PDE9A: variants seen among roughly 807,000 people sequenced by gnomAD.
PDE9A encodes the protein phosphodiesterase 9A.
A neutral mutation model predicts 87.4 loss-of-function variants in PDE9A; 60 were observed. That is an observed-to-expected ratio of 0.69 (90% CI 0.56 to 0.85). The LOEUF (loss-of-function observed/expected upper bound fraction) is 0.85. Ranked by LOEUF, PDE9A falls within the 40% of genes least tolerant of loss-of-function variation. The pLI, the probability that PDE9A is intolerant of heterozygous loss-of-function variation, is 0.00. For synonymous variants in PDE9A, 272 were observed against 279.4 expected, an observed-to-expected ratio of 0.97 and a Z score of 0.27; for missense variants, 665 against 779.0, an observed-to-expected ratio of 0.85 and a Z score of 1.74.
chr21:42,672,706 A>G (rs926491224), intron 1 of PDE9A, among the ~76,000 whole-genome samples: 3 of 152,192 alleles, frequency 2.0e-5, no homozygotes, highest in African/African-American at 7.2e-5. Context: ...TAACCCGTCG[A>G]GTTTGGTTTC....
chr21:42,753,889 AAAAG>A (rs2054711380), intron 9 of PDE9A, 97 bp from the exon 10 acceptor site: 7 of 639,076 alleles, frequency 1.1e-5, no homozygotes, highest in Non-Finnish European at 1.9e-5. Context: ...GAAAGAAAGA[AAAAG>A]AAAGAGAACG....
At position 42,722,694 on chromosome 21, in the gene PDE9A, G is replaced by A. The variant is rs1447985797; in HGVS notation, c.263-9076G>A. ...ATTCCCATCAGCTCAGGTGCGTGGA[G>A]GACGGAAGAACTGCTGTTGCTGCTA... On this transcript the variant is annotated intron_variant, in intron 4 of 19. Coordinates refer to ENST00000291539, the MANE Select transcript of PDE9A (RefSeq NM_002606.3). This position sits in a 1 kb window ranked among gnomAD's most constrained non-coding sequence, Gnocchi z 4.1. Among the ~76,000 whole-genome samples the A allele has an allele frequency of 6.6e-6, 1 of 152,198 alleles. No individual in the cohort carries two copies. The highest frequency in any genetic ancestry group is 1.5e-5 in the Non-Finnish European group (1 of 68,038).
At chr21:42,686,337 G>A (rs2059470669) in intron 2 of PDE9A, 75 bp downstream of exon 2, 3 of 1,215,296 alleles carry the variant, frequency 2.5e-6, no homozygotes, top group East Asian at 4.7e-5. Context: ...TGGGAGGGGC[G>A]GGAAGAGGCG....
chr21:42,769,030 G>T lies in PDE9A; in HGVS notation c.1465G>T (p.Asp489Tyr). ...CTGTCTGCTGCATTCCCTGCAGAGC[G>T]ACCGTGAGAAGTCAGAAGGCCTTCC... is the stretch of plus-strand genomic sequence containing the variant. ...CLLEEYFMQS[D>Y]REKSEGLPVA... is the part of the protein sequence containing the mutation. The change falls in exon 17 of 20, where the codon GAC becomes TAC. Residue 489 changes from aspartate (D) to tyrosine (Y), a missense_variant. Coordinates refer to ENST00000291539, the MANE Select transcript of PDE9A (RefSeq NM_002606.3). 2 of 1,610,770 alleles carry T rather than the reference G, an allele frequency of 1.2e-6. No homozygotes were observed. Among genetic ancestry groups the T allele is most frequent in the South Asian group, 2.2e-5 (2 of 90,804 alleles).
chr21:42,662,403 A>C (rs2057571950), intron 1 of PDE9A, among the ~76,000 whole-genome samples: 1 of 151,974 alleles, frequency 6.6e-6, no homozygotes, highest in African/African-American at 2.4e-5. Context: ...GATGCCCTCC[A>C]TGCCCCTTCC....
intron 1 of PDE9A, among the ~76,000 whole-genome samples, 194 bp downstream of exon 1, chr21:42,654,077 G>T (rs1233295114): frequency 6.9e-6 from 1 of 144,972 alleles, no homozygotes; most frequent in Non-Finnish European, 1.5e-5. Context: ...CCTGGGGGGT[G>T]GGGGGTGGGG....
intron 19 of PDE9A, among the ~76,000 whole-genome samples, chr21:42,773,767 C>T (rs1020811688): frequency 6.6e-6 from 1 of 151,338 alleles, no homozygotes; most frequent in Non-Finnish European, 1.5e-5. Context: ...CGCCACTGCA[C>T]TCCAGCCTGG....
intron 16 of PDE9A, 115 bp downstream of exon 16, chr21:42,768,407 C>G: frequency 9.8e-7 from 1 of 1,021,006 alleles, no homozygotes; most frequent in Non-Finnish European, 1.4e-6. Context: ...GGGCTGCCGA[C>G]AGTTCAGCCT....
intron 7 of PDE9A, among the ~76,000 whole-genome samples, chr21:42,742,128 G>A (rs956823351): frequency 6.6e-6 from 1 of 152,178 alleles, no homozygotes; most frequent in African/African-American, 2.4e-5. Flanking sequence ...GGAGGCATAA[G>A]CTCCAGTTTG....
rs530874286 is a variant in PDE9A at position 42,703,814 on chromosome 21, G to A, written c.262+4803G>A. 1.2e-4 allele frequency among the ~76,000 whole-genome samples: 19 copies of A among 152,322 alleles called. No homozygotes were observed. The South Asian group carries it at 1.9e-3, about 15-fold the overall frequency. ...GATCCTAGGAGCCACAAAGAGGCTT[G>A]AAAAATAATCCATCCTGAGAAACAC... On this transcript the variant is annotated intron_variant, in intron 4 of 19. Coordinates refer to ENST00000291539, the MANE Select transcript of PDE9A (RefSeq NM_002606.3).
In PDE9A at chr21:42,759,909, T is replaced by A. The variant is rs1353906936; in HGVS notation, c.898-419T>A. On this transcript the variant is annotated intron_variant, in intron 11 of 19. Coordinates refer to ENST00000291539, the MANE Select transcript of PDE9A (RefSeq NM_002606.3). The surrounding 1 kb of genome is among the most constrained non-coding windows in gnomAD (Gnocchi z 7.2). ...TGTGAATATGTTTGGCAGCAGGTTTTTTTAATGAAATATTGCTCAGAACCA... is the reference window on the plus strand; with the variant it reads ...TGTGAATATGTTTGGCAGCAGGTTTATTTAATGAAATATTGCTCAGAACCA... 3.6e-4 allele frequency among the ~76,000 whole-genome samples: 55 copies of A among 152,018 alleles called. No homozygotes were observed. Among genetic ancestry groups the A allele is most frequent in the Admixed American group, 3.6e-3 (55 of 15,254 alleles).
rs565114435 is a variant in PDE9A, at chr21:42,695,246, A to G, written c.219-3722A>G. Among the ~76,000 whole-genome samples the G allele has an allele frequency of 3.3e-5, 5 of 152,372 alleles. No individual in the cohort carries two copies. The highest frequency in any genetic ancestry group is 2.0e-4 in the Admixed American group (3 of 15,312). ...AAATATAAAAAGTCATAGCCCAACCATGATCAAATAAGGCTCCAGCATTCC... is the reference window on the plus strand; with the variant it reads ...AAATATAAAAAGTCATAGCCCAACCGTGATCAAATAAGGCTCCAGCATTCC... On this transcript the variant is annotated intron_variant, in intron 3 of 19. Coordinates refer to ENST00000291539, the MANE Select transcript of PDE9A (RefSeq NM_002606.3). This position sits in a 1 kb window ranked among gnomAD's most constrained non-coding sequence, Gnocchi z 4.3.
chr21:42,726,618 A>ATTTTTTTTTTTTTTTTT (rs1486108848), intron 4 of PDE9A, among the ~76,000 whole-genome samples: 2 of 23,048 alleles, frequency 8.7e-5, no homozygotes, highest in African/African-American at 6.6e-4. Context: ...ATATATATAT[A>ATTTTTTTTTTTTTTTTT]TATATATTTT....
At chr21:42,679,773 C>A (rs1255210363) in intron 1 of PDE9A, among the ~76,000 whole-genome samples, 3 of 152,232 alleles carry the variant, frequency 2.0e-5, no homozygotes, top group African/African-American at 7.2e-5. Flanking sequence ...ACCCCCCACC[C>A]ATGAGAGACC....
chr21:42,657,045 C>T (rs570683124), intron 1 of PDE9A, among the ~76,000 whole-genome samples: 148 of 152,340 alleles, frequency 9.7e-4, no homozygotes, highest in African/African-American at 3.5e-3. Context: ...CAGCAGCAGA[C>T]GTTGCAGGCT....
At chr21:42,762,354 G>T (rs779800554) in intron 14 of PDE9A, 115 bp downstream of exon 14, 41 of 1,087,472 alleles carry the variant, frequency 3.8e-5, no homozygotes, top group Non-Finnish European at 5.4e-5. Flanking sequence ...AGTGCCCTGG[G>T]GACCCAAGGG....
rs193092533 is a variant in PDE9A, at chr21:42,684,852, G to A, written c.70-1340G>A. On this transcript the variant is annotated intron_variant, in intron 1 of 19. Transcript: ENST00000291539. ...CCAGTGGGGATAACGGGCAAGGAGA[G>A]GTGCTGTTTACTGTCTTATTGTTGC... Among the ~76,000 whole-genome samples, 5 of 152,156 alleles carry A rather than the reference G, an allele frequency of 3.3e-5. No homozygotes were observed. The East Asian group carries it at 9.7e-4, about 29-fold the overall frequency.
chr21:42,689,817 A>C, intron 3 of PDE9A: 11 of 985,454 alleles, frequency 1.1e-5, no homozygotes, highest in Non-Finnish European at 1.2e-5. Flanking sequence ...GAGACAGATG[A>C]GGTACCATGA....
chr21:42,774,724 A>C (rs2057349108), intron 19 of PDE9A, among the ~76,000 whole-genome samples: 1 of 151,586 alleles, frequency 6.6e-6, no homozygotes, highest in African/African-American at 2.4e-5. Context: ...TCTACTAAAA[A>C]CACAAAAATT....
Sources: gnomAD v4.1 joint callset for allele counts (sites outside exome capture counted in the v4.1 genomes callset) on GRCh38, gnomAD v4.1.1 for gene constraint, Gnocchi (gnomAD v3.1) non-coding constraint, MANE v1.5 for transcripts, NCBI Gene and HGNC (gene_info 2026-07-23, HGNC 2026-07-21) for gene names.